Variants in ERC1 observed in about 807,000 individuals in gnomAD.
ERC1 encodes ELKS/RAB6-interacting/CAST family member 1, also known as RAB6 interacting protein 2.
A neutral mutation model predicts 132.0 loss-of-function variants in ERC1; 56 were observed. That is an observed-to-expected ratio of 0.42 (90% CI 0.34 to 0.53). ERC1 has a LOEUF of 0.53. ERC1 is among the 20% of genes least tolerant of loss of function. ERC1 has a pLI of 0.03. For synonymous variants in ERC1, 478 were observed against 476.1 expected (o/e 1.00, Z -0.05); for missense variants, 1,202 against 1,349.9 (o/e 0.89, Z 1.72).
intron 12 of ERC1, among the ~76,000 whole-genome samples, chr12:1,207,565 C>G (rs1763216741): frequency 6.6e-6 from 1 of 152,132 alleles, no homozygotes; most frequent in Non-Finnish European, 1.5e-5. Flanking sequence ...GTAACATCTT[C>G]TCTGTTAAAT....
chr12:992,699 G>A (rs1959842035), intron 1 of ERC1, among the ~76,000 whole-genome samples: 1 of 152,186 alleles, frequency 6.6e-6, no homozygotes, highest in African/African-American at 2.4e-5. Context: ...CTGTAAATCA[G>A]AATCTTCTTT....
chr12:1,092,683 G>A (rs900740258), intron 3 of ERC1, among the ~76,000 whole-genome samples: 1 of 152,168 alleles, frequency 6.6e-6, no homozygotes. Context: ...ATTCTAGGGC[G>A]GGTGCAATGG....
chr12:1,422,989 C>T (rs551747967), intron 17 of ERC1, among the ~76,000 whole-genome samples: 52 of 152,296 alleles, frequency 3.4e-4, no homozygotes, highest in Admixed American at 3.3e-3. Flanking sequence ...ATTTCAAACT[C>T]AGCGTAATTT....
intron 12 of ERC1, among the ~76,000 whole-genome samples, chr12:1,196,532 T>C (rs368116412): frequency 6.6e-6 from 1 of 151,246 alleles, no homozygotes; most frequent in African/African-American, 2.4e-5. Flanking sequence ...CTCACTCTGT[T>C]GCTCAGGCTG....
At chr12:1,263,798 TC>T (rs2077294821) in intron 14 of ERC1, among the ~76,000 whole-genome samples, 1 of 152,264 alleles carries the variant, frequency 6.6e-6, no homozygotes, top group Non-Finnish European at 1.5e-5. Flanking sequence ...CAAGTGATTC[TC>T]CTGCCTCAAC....
At chr12:1,385,392 C>T (rs1399930204) in intron 16 of ERC1, among the ~76,000 whole-genome samples, 1 of 152,266 alleles carries the variant, frequency 6.6e-6, no homozygotes, top group East Asian at 1.9e-4. Context: ...ACGCCATTCT[C>T]CTGCCTCAGC....
rs372221372 is a variant in ERC1, at chr12:1,289,332, G to A, written c.2620-520G>A. ...CTACCTGGATTTAGAGCAAGAAATT[G>A]TCTGATTGAATTCTAGCAGTTTCTT... On this transcript the variant is annotated intron_variant, in intron 14 of 18. Coordinates refer to ENST00000360905, the MANE Select transcript of ERC1 (RefSeq NM_178040.4). 1.9e-4 allele frequency among the ~76,000 whole-genome samples: 29 copies of A among 151,698 alleles called. No individual in the cohort carries two copies. In the South Asian group the frequency reaches 5.6e-3, roughly 29 times the overall value.
At chr12:1,420,919 T>TGGG (rs57475289) in intron 17 of ERC1, among the ~76,000 whole-genome samples, 9 of 99,808 alleles carry the variant, frequency 9.0e-5, no homozygotes, top group African/African-American at 3.3e-4. Context: ...GGTTTTGGTT[T>TGGG]GGGGGGGGGG....
chr12:1,206,805 T>C (rs1957388713), intron 12 of ERC1, among the ~76,000 whole-genome samples: 1 of 152,104 alleles, frequency 6.6e-6, no homozygotes. Flanking sequence ...ATGTTTTAAT[T>C]ATCAGTTACC....
rs747014051 is a variant in ERC1, at chr12:1,028,206, T to G, written c.303T>G (p.Gly101=). The change falls in exon 2 of 19, where the codon GGT becomes GGG. Residue 101 remains glycine (G), a synonymous_variant. Transcript: ENST00000360905. ...GTTCTGGGGGACGTCTGCCTTACGG[T>G]GTTCGGATGACTGCTATGGGTAGTA... ...LGRSGGRLPY[G]VRMTAMGSSP... is the part of the protein sequence containing the mutation. 1.9e-6 allele frequency: 3 copies of G among 1,614,078 alleles called. No individual in the cohort carries two copies. Among genetic ancestry groups the G allele is most frequent in the Non-Finnish European group, 2.5e-6 (3 of 1,180,012 alleles).
At chr12:1,082,782 A>G (rs991584322) in intron 2 of ERC1, among the ~76,000 whole-genome samples, 1 of 152,270 alleles carries the variant, frequency 6.6e-6, no homozygotes, top group South Asian at 2.1e-4. Flanking sequence ...GTGAGCCACC[A>G]CGCCCGGCTG....
intron 17 of ERC1, among the ~76,000 whole-genome samples, chr12:1,418,603 CTT>C (rs148630912): frequency 0.044 from 3,412 of 77,270 alleles, 194 homozygotes; most frequent in African/African-American, 0.15. Flanking sequence ...TTCTTTCTTT[CTT>C]TCTTTCTTTC....
At chr12:1,480,919 C>G (rs1565522731) in intron 18 of ERC1, 1 of 702,472 alleles carries the variant, frequency 1.4e-6, no homozygotes, top group Admixed American at 2.0e-5. Context: ...GCAGACGCCC[C>G]CAGACGTCCC....
intron 1 of ERC1, among the ~76,000 whole-genome samples, chr12:1,006,576 T>G (rs1216318658): frequency 6.6e-6 from 1 of 152,026 alleles, no homozygotes; most frequent in Non-Finnish European, 1.5e-5. Context: ...TGTTTTGTTT[T>G]TAAGAGATGG....
At chr12:1,137,071 C>G (rs77773314) in intron 7 of ERC1, among the ~76,000 whole-genome samples, 11,074 of 142,752 alleles carry the variant, frequency 0.078, 712 homozygotes, top group African/African-American at 0.16. Flanking sequence ...GTTCTTTTTT[C>G]TTTTTCTTTT....
At chr12:1,183,652 A>G (rs1314431038) in intron 11 of ERC1, among the ~76,000 whole-genome samples, 2 of 152,100 alleles carry the variant, frequency 1.3e-5, no homozygotes, top group African/African-American at 4.8e-5. Flanking sequence ...AAAATATGCA[A>G]CTCTCTTGTG....
At chr12:1,010,046 A>G (rs1405678557) in intron 1 of ERC1, among the ~76,000 whole-genome samples, 1 of 152,196 alleles carries the variant, frequency 6.6e-6, no homozygotes, top group Non-Finnish European at 1.5e-5. Context: ...TCCAGGCTAA[A>G]TCTGCAGAAT....
At chr12:1,210,030 T>G (rs60200845) in intron 12 of ERC1, among the ~76,000 whole-genome samples, 53,826 of 152,040 alleles carry the variant, frequency 0.35, 10,626 homozygotes, top group African/African-American at 0.53. Context: ...AAGCACTGTT[T>G]TCACTGGCAC....
At chr12:1,421,961 G>C (rs2092447174) in intron 17 of ERC1, among the ~76,000 whole-genome samples, 1 of 152,206 alleles carries the variant, frequency 6.6e-6, no homozygotes, top group Non-Finnish European at 1.5e-5. Context: ...GGGAGGCAGA[G>C]GTTGTAGTAA....
Sources: gnomAD v4.1 joint callset for allele counts (sites outside exome capture counted in the v4.1 genomes callset) on GRCh38, gnomAD v4.1.1 for gene constraint, MANE v1.5 for transcripts, NCBI Gene and HGNC (gene_info 2026-07-23, HGNC 2026-07-21) for gene names.